The following ERP44 variants were observed in gnomAD, a reference collection of about 807,000 sequenced individuals.
The protein encoded by ERP44 is endoplasmic reticulum resident protein 44.
A neutral mutation model predicts 53.4 loss-of-function variants in ERP44; 25 were observed. That is an observed-to-expected ratio of 0.47 (90% CI 0.34 to 0.65). The LOEUF (loss-of-function observed/expected upper bound fraction) is 0.65, where lower values mean the gene tolerates loss of function less well. ERP44 is among the 30% of genes least tolerant of loss of function. The pLI, the probability that ERP44 is intolerant of heterozygous loss-of-function variation, is 0.01. For synonymous variants in ERP44, 145 were observed against 161.2 expected (o/e 0.90, Z 0.76); for missense variants, 338 against 493.2 (o/e 0.69, Z 2.98).
At position 100,018,265 on chromosome 9, in the gene ERP44, T is replaced by A. The variant is rs758916479; in HGVS notation, c.636A>T (p.Lys212Asn). 6.3e-7 allele frequency: 1 copy of A among 1,599,286 alleles called. No homozygotes were observed. The highest frequency in any genetic ancestry group is 8.6e-7 in the Non-Finnish European group (1 of 1,166,678). ...AGAAATAGCAACTTACCCCTGGTGGTTTGTAGATTATGTTGTCGCCACTAT... is the reference window on the plus strand; with the variant it reads ...AGAAATAGCAACTTACCCCTGGTGGATTGTAGATTATGTTGTCGCCACTAT... ...ERYSGDNIIY[K>N]PPGHSAPDMV... Residue 212 changes from lysine (K) to asparagine (N), a missense_variant, in exon 7 of 12, where the codon AAA (lysine) becomes AAT (asparagine). Physicochemically the swap from Lys to Asn is moderately conservative, Grantham distance 94. Around this residue, in one of 3 missense-constraint regions of ERP44, gnomAD observed 224 missense variants for 301.4 expected, o/e 0.74. Transcript: ENST00000262455.
At chr9:100,092,459 T>C (rs184643691) in intron 1 of ERP44, among the ~76,000 whole-genome samples, 12 of 152,314 alleles carry the variant, frequency 7.9e-5, no homozygotes, top group South Asian at 4.1e-4. Flanking sequence ...TGTGCTTACG[T>C]TATAGACAAG....
At chr9:100,027,628 T>C (rs930018923) in intron 4 of ERP44, among the ~76,000 whole-genome samples, 3 of 152,194 alleles carry the variant, frequency 2.0e-5, no homozygotes, top group Non-Finnish European at 4.4e-5. Flanking sequence ...AGCTCACTGA[T>C]TGGAAAATTA....
At chr9:100,072,576 G>A (rs1022688467) in intron 1 of ERP44, among the ~76,000 whole-genome samples, 1 of 152,142 alleles carries the variant, frequency 6.6e-6, no homozygotes, top group Non-Finnish European at 1.5e-5. Flanking sequence ...AAGCTGGAGT[G>A]CAATGGAGCG....
chr9:100,063,122 C>T (rs1308092370), intron 1 of ERP44, among the ~76,000 whole-genome samples: 4 of 131,784 alleles, frequency 3.0e-5, no homozygotes, highest in South Asian at 5.5e-4. Context: ...TTGATTTTAC[C>T]TTGAAATACT....
intron 7 of ERP44, among the ~76,000 whole-genome samples, 195 bp from the exon 8 acceptor site, chr9:100,016,633 C>G: frequency 6.6e-6 from 1 of 152,162 alleles, no homozygotes; most frequent in Non-Finnish European, 1.5e-5. Flanking sequence ...TCCAGAGTAG[C>G]TGGGACTACA....
Position 100,075,422 on chromosome 9 carries a change from G to A in ERP44, c.58-15250C>T, listed in dbSNP as rs367935793. Reference sequence around the variant, plus strand: ...CAATATACCTTTACTGTCCTACCTTGGGGGGATATCAACTCTCCAGCTCTG... The same window carrying A: ...CAATATACCTTTACTGTCCTACCTTAGGGGGATATCAACTCTCCAGCTCTG... On this transcript the variant is annotated intron_variant, in intron 1 of 11. Transcript: ENST00000262455. 8.5e-4 allele frequency among the ~76,000 whole-genome samples: 129 copies of A among 152,310 alleles called. 2 individuals are homozygous for A. Among genetic ancestry groups the A allele is most frequent in the African/African-American group, 2.8e-3 (118 of 41,564 alleles).
chr9:100,018,744 C>T (rs912686964), intron 6 of ERP44, among the ~76,000 whole-genome samples: 3 of 152,108 alleles, frequency 2.0e-5, no homozygotes, highest in East Asian at 1.9e-4. Flanking sequence ...ACAGAAGTTG[C>T]TTAATAAACA....
At chr9:100,087,713 A>G (rs1826501108) in intron 1 of ERP44, among the ~76,000 whole-genome samples, 1 of 152,162 alleles carries the variant, frequency 6.6e-6, no homozygotes, top group Non-Finnish European at 1.5e-5. Context: ...ACATCTAAGC[A>G]TGTGGTATCT....
At chr9:100,030,317 G>A (rs886945547) in intron 4 of ERP44, among the ~76,000 whole-genome samples, 5 of 152,168 alleles carry the variant, frequency 3.3e-5, no homozygotes, top group South Asian at 4.2e-4. Context: ...ATGGAGGGAC[G>A]ATATTGAGGA....
chr9:100,038,631 G>A (rs919831279), intron 4 of ERP44, among the ~76,000 whole-genome samples: 12 of 152,074 alleles, frequency 7.9e-5, no homozygotes, highest in South Asian at 6.2e-4. Context: ...AATGGAAGGC[G>A]TATGCCTTTA....
chr9:100,020,003 G>A (rs1292419433), intron 6 of ERP44, among the ~76,000 whole-genome samples: 1 of 152,114 alleles, frequency 6.6e-6, no homozygotes. Context: ...TGAAATTATA[G>A]CTTAAGAGAA....
intron 1 of ERP44, among the ~76,000 whole-genome samples, chr9:100,081,395 C>T (rs1168279257): frequency 1.3e-5 from 2 of 151,970 alleles, no homozygotes; most frequent in African/African-American, 4.8e-5. Flanking sequence ...TAGTTGTAAA[C>T]ATCTATATGC....
chr9:99,994,882 A>G (rs184904354), intron 10 of ERP44, among the ~76,000 whole-genome samples: 131 of 152,342 alleles, frequency 8.6e-4, no homozygotes, highest in African/African-American at 2.9e-3. Flanking sequence ...CTGGTTGTCT[A>G]TATCTACAAT....
intron 1 of ERP44, among the ~76,000 whole-genome samples, chr9:100,095,662 G>C (rs967822563): frequency 1.3e-5 from 2 of 151,858 alleles, no homozygotes; most frequent in Non-Finnish European, 2.9e-5. Flanking sequence ...ACCTGGTATT[G>C]GGCCCCGATA....
intron 2 of ERP44, 97 bp downstream of exon 2, chr9:100,060,003 T>C: frequency 9.8e-7 from 1 of 1,023,932 alleles, no homozygotes; most frequent in East Asian, 3.5e-5. Flanking sequence ...TCATCTGTGC[T>C]AGCTAACTGA....
In ERP44 at chr9:99,981,820, A is replaced by G. The variant is rs1830151893; in HGVS notation, c.*792T>C. ...TCTTCTCTTTGGAAATTGAAGTCTCATAATAGGAGGAGCCTTAAAAGTCAT... is the reference window on the plus strand; with the variant it reads ...TCTTCTCTTTGGAAATTGAAGTCTCGTAATAGGAGGAGCCTTAAAAGTCAT... On this transcript the variant is annotated 3_prime_UTR_variant, in exon 12 of 12. Coordinates refer to ENST00000262455, the MANE Select transcript of ERP44 (RefSeq NM_015051.3). 2.0e-5 allele frequency: 3 copies of G among 152,232 alleles called. No homozygotes were observed. In the South Asian group the frequency reaches 6.2e-4, roughly 32 times the overall value. The allele number at this position is 152,232 out of a possible 1,614,324, so 9.4% of individuals were successfully genotyped here.
At chr9:100,016,207 T>G in intron 8 of ERP44, 115 bp downstream of exon 8, 1 of 1,434,870 alleles carries the variant, frequency 7.0e-7, no homozygotes, top group African/African-American at 1.5e-5. Context: ...ATAGTTATGT[T>G]CACTATATGA....
chr9:100,060,313 T>TAAAAGATTAGA, intron 1 of ERP44, 141 bp from the exon 2 acceptor site: 1 of 988,694 alleles, frequency 1.0e-6, no homozygotes, highest in Non-Finnish European at 1.3e-6. Context: ...TATTATCTAG[T>TAAAAGATTAGA]CTAATCTTTT....
At chr9:100,075,740 A>C (rs191864799) in intron 1 of ERP44, among the ~76,000 whole-genome samples, 7 of 152,336 alleles carry the variant, frequency 4.6e-5, no homozygotes, top group Non-Finnish European at 1.0e-4. Context: ...CCTACAACCA[A>C]GAAACAGGCA....
Sources: gnomAD v4.1 joint callset for allele counts (sites outside exome capture counted in the v4.1 genomes callset) on GRCh38, gnomAD v4.1.1 for gene constraint, gnomAD v4.1.1 regional missense constraint, MANE v1.5 for transcripts, NCBI Gene and HGNC (gene_info 2026-07-23, HGNC 2026-07-21) for gene names.